FAM107B: variants seen among roughly 807,000 people sequenced by gnomAD.
The protein encoded by FAM107B is protein FAM107B.
Under a neutral mutation model 31.5 loss-of-function variants are expected in FAM107B, and 21 were observed. That is an observed-to-expected ratio of 0.67 (90% confidence interval 0.47 to 0.96). FAM107B has a LOEUF of 0.96. Among genes scored for constraint, FAM107B ranks in the 40% least tolerant of loss-of-function variants. The probability of loss-of-function intolerance (pLI) is 0.00; values close to 1 mark genes in which losing one functional copy is unlikely to be tolerated. For missense variants in FAM107B, 452 were observed against 377.1 expected (o/e 1.20, Z -1.64); for synonymous variants, 157 against 141.5 (o/e 1.11, Z -0.78).
At chr10:14,548,368 C>T in intron 2 of FAM107B, 1 of 966,446 alleles carries the variant, frequency 1.0e-6, no homozygotes, top group East Asian at 1.1e-4. Context: ...GCACCTCCTG[C>T]CAGCTCCAGG....
chr10:14,598,206 T>C (rs950072214), intron 2 of FAM107B, among the ~76,000 whole-genome samples: 1 of 152,216 alleles, frequency 6.6e-6, no homozygotes, highest in Non-Finnish European at 1.5e-5. Flanking sequence ...TTTGGGTTTG[T>C]TGACTGTGCT....
chr10:14,691,210 G>A (rs1855126632), intron 1 of FAM107B, among the ~76,000 whole-genome samples: 1 of 152,108 alleles, frequency 6.6e-6, no homozygotes, highest in African/African-American at 2.4e-5. Context: ...CCTAAACTAT[G>A]CACTTTAATT....
At chr10:14,587,570 A>G (rs1166848149) in intron 2 of FAM107B, among the ~76,000 whole-genome samples, 1 of 152,238 alleles carries the variant, frequency 6.6e-6, no homozygotes, top group African/African-American at 2.4e-5. Context: ...TGTCTTACAC[A>G]AACATCCAAA....
chr10:14,585,258 G>A (rs1851785321), intron 2 of FAM107B, among the ~76,000 whole-genome samples: 1 of 152,070 alleles, frequency 6.6e-6, no homozygotes. Context: ...TGTTCAAAAT[G>A]CCAAGAACCT....
rs1845684918 is a variant in FAM107B at position 14,521,925 on chromosome 10, T to G, written c.748A>C (p.Lys250Gln). The G allele has an allele frequency of 6.8e-6, 11 of 1,614,218 alleles. No individual in the cohort carries two copies. The South Asian group carries it at 9.9e-5, about 15-fold the overall frequency. ...VIKQKEEEAQ[K>Q]KKSDLEIELL... ...TCTATTTCCAAGTCAGATTTCTTCT[T>G]CTGTGCTTCTTCTTCCTTCTGCTTT... The change falls in exon 4 of 5, where the codon AAG becomes CAG. Residue 250 changes from lysine to glutamine, a missense_variant. Transcript: ENST00000181796.
At position 14,530,453 on chromosome 10, in the gene FAM107B, C is replaced by T. The variant is rs904638100; in HGVS notation, c.532G>A (p.Glu178Lys). 9 of 1,613,878 alleles carry T rather than the reference C, an allele frequency of 5.6e-6. No individual in the cohort carries two copies. In the East Asian group the frequency reaches 6.7e-5, roughly 12 times the overall value. The change falls in exon 3 of 5, where the codon GAG (glutamate) becomes AAG (lysine). Residue 178 changes from glutamate (E) to lysine (K), a missense_variant. Physicochemically the swap from Glu to Lys is moderately conservative, Grantham distance 56 (BLOSUM62 1). Coordinates refer to ENST00000181796, the MANE Select transcript of FAM107B (RefSeq NM_031453.4). ...SYLITRSIMA[E>K]PDYIEDDNPE... ...TTGTCATCTTCTATGTAGTCTGGCT[C>T]GGCCATGATGCTTCTTGTAATGAGA...
At chr10:14,660,871 T>C (rs1396386367) in intron 2 of FAM107B, among the ~76,000 whole-genome samples, 1 of 152,176 alleles carries the variant, frequency 6.6e-6, no homozygotes, top group Non-Finnish European at 1.5e-5. Context: ...ACCCAGGTCA[T>C]GAGGTTTGGA....
intron 2 of FAM107B, among the ~76,000 whole-genome samples, chr10:14,588,928 T>G (rs546059763): frequency 6.6e-6 from 1 of 152,026 alleles, no homozygotes; most frequent in South Asian, 2.1e-4. Context: ...ACGCCTGTAA[T>G]CCCAGCACTT....
At chr10:14,559,986 T>C (rs562119585) in intron 2 of FAM107B, among the ~76,000 whole-genome samples, 45 of 152,292 alleles carry the variant, frequency 3.0e-4, no homozygotes, top group African/African-American at 9.9e-4. Context: ...TCCATTTTCA[T>C]ACAATCTCTG....
intron 1 of FAM107B, among the ~76,000 whole-genome samples, chr10:14,754,920 C>T (rs1344782910): frequency 6.6e-6 from 1 of 152,114 alleles, no homozygotes; most frequent in African/African-American, 2.4e-5. Context: ...AAATACAGAC[C>T]TGGGGAAAAT....
At chr10:14,622,878 A>C (rs563357149) in intron 2 of FAM107B, among the ~76,000 whole-genome samples, 2 of 152,316 alleles carry the variant, frequency 1.3e-5, no homozygotes, top group South Asian at 2.1e-4. Flanking sequence ...TAGAAATCAC[A>C]GGGATTTCTT....
intron 2 of FAM107B, among the ~76,000 whole-genome samples, chr10:14,561,593 G>A (rs188754412): frequency 2.6e-5 from 4 of 152,196 alleles, no homozygotes; most frequent in Admixed American, 6.5e-5. Flanking sequence ...AAAACCACAG[G>A]GGGGAGGGCA....
chr10:14,586,832 C>T (rs1401777745), intron 2 of FAM107B, among the ~76,000 whole-genome samples: 1 of 152,214 alleles, frequency 6.6e-6, no homozygotes, highest in Non-Finnish European at 1.5e-5. Context: ...TATGGACCCT[C>T]TACCCCCACC....
At chr10:14,628,920 T>C (rs1853246497) in intron 2 of FAM107B, among the ~76,000 whole-genome samples, 1 of 151,978 alleles carries the variant, frequency 6.6e-6, no homozygotes, top group East Asian at 1.9e-4. Flanking sequence ...TTTAGACTCA[T>C]GCTTTTAAGT....
At chr10:14,774,016 G>A (rs1432557784) in intron 1 of FAM107B, among the ~76,000 whole-genome samples, 4 of 152,174 alleles carry the variant, frequency 2.6e-5, no homozygotes, top group Non-Finnish European at 4.4e-5. Context: ...GTTAATTCAA[G>A]GTTACCTTCG....
At chr10:14,756,308 T>C (rs2609812) in intron 1 of FAM107B, among the ~76,000 whole-genome samples, 80,095 of 152,110 alleles carry the variant, frequency 0.53, 24,002 homozygotes, top group African/African-American at 0.84. Flanking sequence ...TGGGTGTCAA[T>C]TTGGCTAGGG....
At chr10:14,704,456 C>T (rs575000595) in intron 1 of FAM107B, among the ~76,000 whole-genome samples, 1 of 152,278 alleles carries the variant, frequency 6.6e-6, no homozygotes, top group African/African-American at 2.4e-5. Context: ...TGTAGCCTAT[C>T]TTCAAAAAGG....
chr10:14,596,395 T>C (rs1033385324), intron 2 of FAM107B, among the ~76,000 whole-genome samples: 1 of 152,156 alleles, frequency 6.6e-6, no homozygotes, highest in African/African-American at 2.4e-5. Context: ...CCAGCCACCA[T>C]GCTAGCCCGT....
chr10:14,668,358 T>C (rs1854461614), intron 1 of FAM107B, among the ~76,000 whole-genome samples: 1 of 152,120 alleles, frequency 6.6e-6, no homozygotes, highest in Non-Finnish European at 1.5e-5. Flanking sequence ...TTTCATAAAA[T>C]AGAAATGCCA....
Sources: allele counts gnomAD v4.1 joint callset (sites outside exome capture counted in the v4.1 genomes callset), GRCh38; gene constraint gnomAD v4.1.1; transcripts MANE v1.5; gene names NCBI Gene and HGNC (gene_info 2026-07-23, HGNC 2026-07-21).